The following SYCP2 variants were observed in gnomAD, a reference collection of about 807,000 sequenced individuals.
SYCP2 encodes the protein synaptonemal complex lateral element protein.
In SYCP2, 55 loss-of-function variants were observed where a neutral mutation model predicts 211.3. The observed-to-expected ratio is 0.26, with a 90% confidence interval of 0.21 to 0.33. The LOEUF (loss-of-function observed/expected upper bound fraction) is 0.33. Ranked by LOEUF, SYCP2 falls within the 10% of genes least tolerant of loss-of-function variation. SYCP2 has a pLI of 1.00. For missense variants in SYCP2, 1,731 were observed against 1,752.0 expected (o/e 0.99, Z 0.21); for synonymous variants, 570 against 555.2 (o/e 1.03, Z -0.37).
chr20:59,902,835 A>T (rs572957226), intron 15 of SYCP2, among the ~76,000 whole-genome samples: 4 of 152,298 alleles, frequency 2.6e-5, no homozygotes, highest in Admixed American at 1.3e-4. Flanking sequence ...TTTAAAAGTT[A>T]AACAGTGACA....
At chr20:59,897,501 G>A (rs2060032633) in intron 18 of SYCP2, among the ~76,000 whole-genome samples, 1 of 152,112 alleles carries the variant, frequency 6.6e-6, no homozygotes, top group Non-Finnish European at 1.5e-5. Flanking sequence ...ACTTTGGTGT[G>A]CTTAAGACCT....
intron 12 of SYCP2, 135 bp downstream of exon 12, chr20:59,913,840 T>C (rs2060379335): frequency 1.9e-6 from 1 of 514,944 alleles, no homozygotes; most frequent in Non-Finnish European, 3.2e-6. Context: ...TTTTAAATTA[T>C]CTATGCACAT....
chr20:59,911,232 T>C (rs746760372), intron 14 of SYCP2, among the ~76,000 whole-genome samples: 9 of 152,272 alleles, frequency 5.9e-5, no homozygotes, highest in Non-Finnish European at 1.2e-4. Flanking sequence ...GTAAAAAATA[T>C]GCAGGTCAGC....
At chr20:59,891,168 G>A (rs1186874820) in intron 24 of SYCP2, among the ~76,000 whole-genome samples, 1 of 151,744 alleles carries the variant, frequency 6.6e-6, no homozygotes, top group African/African-American at 2.4e-5. Context: ...GGCTTCCCAG[G>A]TATCAGCATT....
rs1184939278 is a variant in SYCP2 at position 59,868,460 on chromosome 20, G to A, written c.3941C>T (p.Pro1314Leu). 2.5e-6 allele frequency: 4 copies of A among 1,610,816 alleles called. No individual in the cohort carries two copies. Among genetic ancestry groups the A allele is most frequent in the East Asian group, 2.2e-5 (1 of 44,714 alleles). ...ATCTTCAATTTTACACAGTTTTTTG[G>A]GAAGCAAGTTTGCTCTCCTTTCTCC... ...EKGERRANLL[P>L]KKLCKIEDAD... The change falls in exon 38 of 45, where the codon CCC becomes CTC. Residue 1314 changes from proline (P) to leucine (L), a missense_variant. Coordinates refer to ENST00000357552, the MANE Select transcript of SYCP2 (RefSeq NM_014258.4).
intron 2 of SYCP2, among the ~76,000 whole-genome samples, chr20:59,924,383 TTG>T (rs918141155): frequency 3.3e-5 from 5 of 152,066 alleles, no homozygotes; most frequent in East Asian, 3.9e-4. Context: ...TTAAAGAAAT[TTG>T]TGTGTTTTTC....
Position 59,874,744 on chromosome 20 carries a change from C to T in SYCP2, c.3349+527G>A, listed in dbSNP as rs2059520855. Among the ~76,000 whole-genome samples the T allele has an allele frequency of 2.6e-5, 4 of 151,944 alleles. No homozygotes were observed. In the South Asian group the frequency reaches 8.3e-4, roughly 32 times the overall value. Reference sequence around the variant, plus strand: ...TATAAAAAGGGCAAACTTATACTTTCTATACTAGAAAGGCATACACATATA... The same window carrying T: ...TATAAAAAGGGCAAACTTATACTTTTTATACTAGAAAGGCATACACATATA... On this transcript the variant is annotated intron_variant, in intron 34 of 44. Coordinates refer to ENST00000357552, the MANE Select transcript of SYCP2 (RefSeq NM_014258.4).
intron 24 of SYCP2, among the ~76,000 whole-genome samples, chr20:59,891,240 AAGC>A (rs2059899177): frequency 6.6e-6 from 1 of 151,992 alleles, no homozygotes; most frequent in South Asian, 2.1e-4. Flanking sequence ...AAATATCAAA[AAGC>A]AGATTGCATT....
At chr20:59,922,556 A>C (rs2060561775) in intron 2 of SYCP2, 97 bp from the exon 3 acceptor site, 2 of 529,906 alleles carry the variant, frequency 3.8e-6, no homozygotes, top group Admixed American at 7.8e-5. Context: ...TTTGTTATTT[A>C]TACCAAAGGC....
intron 2 of SYCP2, among the ~76,000 whole-genome samples, chr20:59,923,542 A>T (rs186543272): frequency 6.4e-4 from 97 of 151,244 alleles, no homozygotes; most frequent in African/African-American, 1.9e-3. Context: ...CTACAAAAAA[A>T]TTTTTTTTTA....
chr20:59,931,237 T>C (rs989935030), intron 2 of SYCP2, among the ~76,000 whole-genome samples: 1 of 152,138 alleles, frequency 6.6e-6, no homozygotes, highest in African/African-American at 2.4e-5. Context: ...ATGGGCAACA[T>C]GGTGAGATCC....
intron 15 of SYCP2, 35 bp from the exon 16 acceptor site, chr20:59,901,845 TATG>T (rs2060121241): frequency 2.0e-6 from 3 of 1,498,424 alleles, no homozygotes; most frequent in Non-Finnish European, 2.7e-6. Context: ...TTTACGTTTC[TATG>T]ATACTACTCT....
intron 14 of SYCP2, among the ~76,000 whole-genome samples, chr20:59,908,002 T>TTTGGGAGGCC (rs1191658411): frequency 2.0e-5 from 3 of 152,190 alleles, no homozygotes; most frequent in Non-Finnish European, 4.4e-5. Context: ...ATCCCGGGAC[T>TTTGGGAGGCC]TTGGGAGGCC....
chr20:59,889,165 T>A (rs77205706), intron 24 of SYCP2, among the ~76,000 whole-genome samples: 2,943 of 152,100 alleles, frequency 0.019, 40 homozygotes, highest in Middle Eastern at 0.041. Context: ...ATATGTCACT[T>A]CACTACATAT....
intron 26 of SYCP2, among the ~76,000 whole-genome samples, chr20:59,882,862 G>A (rs2145683608): frequency 6.6e-6 from 1 of 151,672 alleles, no homozygotes; most frequent in Middle Eastern, 3.4e-3. Flanking sequence ...TGATAAAGAT[G>A]GTAAATTTTA....
At chr20:59,922,292 G>T in intron 3 of SYCP2, 98 bp downstream of exon 3, 1 of 1,079,638 alleles carries the variant, frequency 9.3e-7, no homozygotes, top group Non-Finnish European at 1.3e-6. Flanking sequence ...AAACATGTAA[G>T]CTTTATCATT....
chr20:59,911,062 CTTA>C (rs1568968610), intron 14 of SYCP2, among the ~76,000 whole-genome samples: 1 of 152,078 alleles, frequency 6.6e-6, no homozygotes, highest in African/African-American at 2.4e-5. Flanking sequence ...AGACTAAAGC[CTTA>C]TTATAATATC....
At chr20:59,869,166 ATTTC>A (rs1293267808) in intron 36 of SYCP2, among the ~76,000 whole-genome samples, 5 of 150,932 alleles carry the variant, frequency 3.3e-5, no homozygotes, top group South Asian at 2.1e-4. Flanking sequence ...CCTGCTTTTC[ATTTC>A]TTTATTAGGA....
chr20:59,912,375 C>T lies in SYCP2; in HGVS notation c.874G>A (p.Glu292Lys). The T allele has an allele frequency of 9.5e-7, 1 of 1,056,666 alleles. No individual in the cohort carries two copies. The allele number at this position is 1,056,666 out of a possible 1,614,324, so 65.5% of individuals were successfully genotyped here. The change falls in exon 13 of 45, where the codon GAG (glutamate) becomes AAG (lysine). Residue 292 changes from glutamate to lysine, a missense_variant and splice_region_variant. By Grantham distance (56) the Glu-to-Lys change is moderately conservative (BLOSUM62 1). This residue lies in a region of SYCP2 where 335 missense variants were observed against 378.8 expected (regional missense o/e 0.88). Transcript: ENST00000357552. Reference protein sequence around the residue: ...PCLSAFLDKYELQIPSDEKLE... With the variant: ...PCLSAFLDKYKLQIPSDEKLE... Reference sequence around the variant, plus strand: ...AATGTGTTAAATTAAAATTTTACCTCATATTTATCAAGAAATGCTGATAAA... The same window carrying T: ...AATGTGTTAAATTAAAATTTTACCTTATATTTATCAAGAAATGCTGATAAA...
Sources: gnomAD v4.1 joint callset for allele counts (sites outside exome capture counted in the v4.1 genomes callset) on GRCh38, gnomAD v4.1.1 for gene constraint, gnomAD v4.1.1 regional missense constraint, MANE v1.5 for transcripts, NCBI Gene and HGNC (gene_info 2026-07-23, HGNC 2026-07-21) for gene names.